The following SASH1 variants were observed in gnomAD, a reference collection of about 807,000 sequenced individuals.
SASH1 encodes SAM and SH3 domain containing 1, also known as SAM and SH3 domain-containing protein 1.
Under a neutral mutation model 125.2 loss-of-function variants are expected in SASH1, and 44 were observed. The observed-to-expected ratio is 0.35, with a 90% confidence interval of 0.28 to 0.45. The LOEUF (loss-of-function observed/expected upper bound fraction) is 0.45, where lower values mean the gene tolerates loss of function less well. Ranked by LOEUF, SASH1 falls within the 20% of genes least tolerant of loss-of-function variation. SASH1 has a pLI of 1.00. For missense variants in SASH1, 1,426 were observed against 1,614.5 expected, an observed-to-expected ratio of 0.88 and a Z score of 2.00; for synonymous variants, 639 against 649.1, an observed-to-expected ratio of 0.98 and a Z score of 0.24.
chr6:148,500,082 T>C (rs1051260602), intron 8 of SASH1, among the ~76,000 whole-genome samples: 1 of 152,162 alleles, frequency 6.6e-6, no homozygotes, highest in African/African-American at 2.4e-5. Flanking sequence ...CTTCTTCTTT[T>C]CCCCCTCTCT....
intron 1 of SASH1, among the ~76,000 whole-genome samples, chr6:148,307,045 TTTCTTTC>T (rs1319450666): frequency 9.1e-6 from 1 of 109,380 alleles, no homozygotes; most frequent in Non-Finnish European, 1.9e-5. Flanking sequence ...TCTTTCTTTC[TTTCTTTC>T]TTTCTTTCTT....
At chr6:148,473,950 C>G (rs1778227024) in intron 6 of SASH1, among the ~76,000 whole-genome samples, 160 bp from the exon 7 acceptor site, 1 of 152,204 alleles carries the variant, frequency 6.6e-6, no homozygotes, top group African/African-American at 2.4e-5. Context: ...TCTTAAAAAG[C>G]AGCATATTTT....
intron 3 of SASH1, 45 bp from the exon 4 acceptor site, chr6:148,440,313 G>T: frequency 6.2e-7 from 1 of 1,608,624 alleles, no homozygotes; most frequent in Non-Finnish European, 8.5e-7. Context: ...ATCAGATGAA[G>T]CCTGCTGCTC....
rs369493032 is a variant in SASH1, at chr6:148,475,498, G to A, written c.627+1276G>A. Among the ~76,000 whole-genome samples the A allele has an allele frequency of 1.7e-4, 26 of 152,216 alleles. No homozygotes were observed. In the South Asian group the frequency reaches 5.4e-3, roughly 32 times the overall value. On this transcript the variant is annotated intron_variant, in intron 7 of 19. Coordinates refer to ENST00000367467, the MANE Select transcript of SASH1 (RefSeq NM_015278.5). ...AGGAGGAATGCCAAGAAGCTAAAGGGGGCAAACTTGCCCTTTGATAATGAC... is the reference window on the plus strand; with the variant it reads ...AGGAGGAATGCCAAGAAGCTAAAGGAGGCAAACTTGCCCTTTGATAATGAC...
chr6:148,251,640 T>G, the SASH1 span, among the ~76,000 whole-genome samples: 1 of 152,130 alleles, frequency 6.6e-6, no homozygotes, highest in Non-Finnish European at 1.5e-5. Flanking sequence ...GAAGAATCAT[T>G]ACAATGAGAT....
chr6:148,292,611 A>T (rs2128509237), intron 1 of SASH1, among the ~76,000 whole-genome samples: 1 of 152,236 alleles, frequency 6.6e-6, no homozygotes, highest in South Asian at 2.1e-4. Flanking sequence ...TTTCATGGGG[A>T]CTCAGATGCT....
chr6:148,346,385 T>C (rs1393127021), intron 1 of SASH1, among the ~76,000 whole-genome samples: 1 of 151,526 alleles, frequency 6.6e-6, no homozygotes, highest in African/African-American at 2.4e-5. Flanking sequence ...AAAGAAATAA[T>C]AGTATAATTT....
At chr6:148,507,639 G>T (rs1012872543) in intron 8 of SASH1, among the ~76,000 whole-genome samples, 2 of 152,152 alleles carry the variant, frequency 1.3e-5, no homozygotes, top group African/African-American at 2.4e-5. Context: ...AATTACAGGC[G>T]TGAGCCACTG....
chr6:148,435,527 A>C (rs1776258826), intron 2 of SASH1, among the ~76,000 whole-genome samples: 1 of 152,144 alleles, frequency 6.6e-6, no homozygotes, highest in African/African-American at 2.4e-5. Context: ...AAATTTCATA[A>C]ATACGATTTT....
chr6:148,328,779 C>CATTATTACATTTAT (rs1780910448), intron 1 of SASH1, among the ~76,000 whole-genome samples: 1 of 152,042 alleles, frequency 6.6e-6, no homozygotes, highest in Admixed American at 6.6e-5. Flanking sequence ...TTGATTTGTC[C>CATTATTACATTTAT]CCTTGCTGTC....
intron 1 of SASH1, among the ~76,000 whole-genome samples, chr6:148,281,049 TCTC>T (rs756383511): frequency 6.6e-6 from 1 of 151,128 alleles, no homozygotes; most frequent in Non-Finnish European, 1.5e-5. Context: ...TTCAAGCAAT[TCTC>T]CTGCCTCAGC....
intron 2 of SASH1, among the ~76,000 whole-genome samples, chr6:148,435,535 T>C (rs1381653441): frequency 1.3e-5 from 2 of 152,192 alleles, no homozygotes; most frequent in Admixed American, 1.3e-4. Flanking sequence ...TAAATACGAT[T>C]TTTCCTTATG....
chr6:148,324,062 G>A (rs1200562311), intron 1 of SASH1, among the ~76,000 whole-genome samples: 1 of 143,180 alleles, frequency 7.0e-6, no homozygotes, highest in East Asian at 2.2e-4. Context: ...GGAGGTTGCA[G>A]GGAGCCGAGG....
chr6:148,458,482 C>G (rs909238806), intron 4 of SASH1, among the ~76,000 whole-genome samples: 6 of 152,270 alleles, frequency 3.9e-5, no homozygotes, highest in Non-Finnish European at 7.4e-5. Context: ...ACTAGCTTGA[C>G]TATTTTTATG....
rs376694178 is a variant in SASH1, at chr6:148,486,340, C to T, written c.628-1274C>T. Reference sequence around the variant, plus strand: ...TTCATCATCTTGGCCAGGCTGGTCTCGAACTCCTGACCTCAGGTGATCCAC... The same window carrying T: ...TTCATCATCTTGGCCAGGCTGGTCTTGAACTCCTGACCTCAGGTGATCCAC... On this transcript the variant is annotated intron_variant, in intron 7 of 19. Coordinates refer to ENST00000367467, the MANE Select transcript of SASH1 (RefSeq NM_015278.5). Among the ~76,000 whole-genome samples, 74 of 152,212 alleles carry T rather than the reference C, an allele frequency of 4.9e-4. No individual in the cohort carries two copies. The South Asian group carries it at 0.015, about 31-fold the overall frequency.
chr6:148,508,829 A>C, intron 8 of SASH1: 5 of 1,235,960 alleles, frequency 4.0e-6, no homozygotes, highest in Non-Finnish European at 5.3e-6. Context: ...GGTGGGAGGT[A>C]CAGGACGTCT....
At chr6:148,318,354 C>A (rs1307508322) in intron 1 of SASH1, among the ~76,000 whole-genome samples, 1 of 152,130 alleles carries the variant, frequency 6.6e-6, no homozygotes, top group Non-Finnish European at 1.5e-5. Flanking sequence ...CATTAAACAG[C>A]ATAGTAACAG....
chr6:148,198,437 C>T, the SASH1 span, among the ~76,000 whole-genome samples: 12,199 of 152,164 alleles, frequency 0.08, 546 homozygotes, highest in Non-Finnish European at 0.09. Context: ...TTGAGGTAGC[C>T]GCCCACTGAT....
At chr6:148,256,676 T>C in the SASH1 span, among the ~76,000 whole-genome samples, 1 of 152,196 alleles carries the variant, frequency 6.6e-6, no homozygotes, top group African/African-American at 2.4e-5. Context: ...GGTCAGTGAG[T>C]TCCTTGGGAT....
Sources: gnomAD v4.1 joint callset for allele counts (sites outside exome capture counted in the v4.1 genomes callset) on GRCh38, gnomAD v4.1.1 for gene constraint, MANE v1.5 for transcripts, NCBI Gene and HGNC (gene_info 2026-07-23, HGNC 2026-07-21) for gene names.